Variants in MEI4 observed in about 807,000 individuals in gnomAD.
MEI4 encodes the protein meiotic double-stranded break formation protein 4.
MEI4 carries 27 observed loss-of-function variants against 31.4 expected under a neutral mutation model. The observed-to-expected ratio is 0.86, with a 90% CI of 0.63 to 1.19. The LOEUF (loss-of-function observed/expected upper bound fraction) is 1.19, where lower values mean the gene tolerates loss of function less well. Among genes scored for constraint, MEI4 ranks in the 50% most tolerant of loss-of-function variants. MEI4 has a pLI of 0.00. For synonymous variants in MEI4, 122 were observed against 145.4 expected (o/e 0.84, Z 1.16); for missense variants, 329 against 398.9 (o/e 0.82, Z 1.49).
At chr6:77,732,627 C>A (rs1309438693) in intron 2 of MEI4, among the ~76,000 whole-genome samples, 1 of 141,308 alleles carries the variant, frequency 7.1e-6, no homozygotes, top group Non-Finnish European at 1.6e-5. Flanking sequence ...ATTTCCTTCT[C>A]CTGCCTAATT....
chr6:77,708,132 G>A (rs1206939304), intron 2 of MEI4, among the ~76,000 whole-genome samples: 7 of 152,188 alleles, frequency 4.6e-5, no homozygotes, highest in Non-Finnish European at 8.8e-5. Flanking sequence ...CATTGGCAAC[G>A]TGCACCCTGA....
chr6:77,692,398 T>C (rs1407641566), intron 2 of MEI4, among the ~76,000 whole-genome samples: 1 of 152,052 alleles, frequency 6.6e-6, no homozygotes, highest in African/African-American at 2.4e-5. Flanking sequence ...GTCTCTTTAC[T>C]TGTTGCCCAG....
intron 2 of MEI4, among the ~76,000 whole-genome samples, chr6:77,692,750 G>T (rs886183874): frequency 3.3e-5 from 5 of 151,994 alleles, no homozygotes; most frequent in African/African-American, 1.2e-4. Flanking sequence ...AATTCAGATG[G>T]TGAACACAGA....
intron 4 of MEI4, among the ~76,000 whole-genome samples, chr6:77,910,170 G>C (rs548235845): frequency 0.056 from 8,489 of 152,088 alleles, 324 homozygotes; most frequent in Middle Eastern, 0.13. Flanking sequence ...CCCTCTCTCA[G>C]CACTCCTATT....
At chr6:77,695,763 A>T (rs1320063569) in intron 2 of MEI4, among the ~76,000 whole-genome samples, 1 of 152,126 alleles carries the variant, frequency 6.6e-6, no homozygotes, top group Non-Finnish European at 1.5e-5. Context: ...TTTTGGTTCC[A>T]TATGAACTTG....
intron 3 of MEI4, among the ~76,000 whole-genome samples, chr6:77,780,177 T>G (rs2127690335): frequency 6.6e-6 from 1 of 152,280 alleles, no homozygotes; most frequent in South Asian, 2.1e-4. Context: ...GAGGTTTGCA[T>G]AGCTTCAGTA....
chr6:77,737,463 C>G (rs1440831816), intron 2 of MEI4, among the ~76,000 whole-genome samples: 1 of 151,826 alleles, frequency 6.6e-6, no homozygotes, highest in Admixed American at 6.6e-5. Context: ...ATCAGGGAGT[C>G]CAGGACACTT....
At chr6:77,775,380 T>TA (rs1356531570) in intron 3 of MEI4, among the ~76,000 whole-genome samples, 4 of 152,138 alleles carry the variant, frequency 2.6e-5, no homozygotes, top group Admixed American at 2.6e-4. Flanking sequence ...GTATCATTCT[T>TA]ACGCCTTTGC....
Position 77,887,317 on chromosome 6 carries a change from G to A in MEI4, c.901-35772G>A, listed in dbSNP as rs554645930. Among the ~76,000 whole-genome samples, 100 of 150,966 alleles carry A rather than the reference G, an allele frequency of 6.6e-4. 1 individual carries two copies. The highest frequency in any genetic ancestry group is 1.3e-3 in the Non-Finnish European group (85 of 67,922). On this transcript the variant is annotated intron_variant, in intron 4 of 4. Coordinates refer to ENST00000684080, the MANE Select transcript of MEI4 (RefSeq NM_001322247.2). ...CTTTTTTATTCTTTTTTGAGATGGA[G>A]TCTCACTTTTGTCGCCCAGGTTGGA...
intron 3 of MEI4, among the ~76,000 whole-genome samples, chr6:77,800,531 G>C (rs1337502770): frequency 6.6e-6 from 1 of 152,216 alleles, no homozygotes; most frequent in Non-Finnish European, 1.5e-5. Context: ...ACACTGTGTT[G>C]AATAGGAGTG....
At chr6:77,893,069 A>C (rs536666531) in intron 4 of MEI4, among the ~76,000 whole-genome samples, 2 of 152,220 alleles carry the variant, frequency 1.3e-5, no homozygotes, top group East Asian at 3.9e-4. Context: ...AATCCTGGCC[A>C]GGCTGTCTTC....
intron 3 of MEI4, among the ~76,000 whole-genome samples, chr6:77,800,792 G>A (rs887619674): frequency 2.6e-5 from 4 of 152,058 alleles, no homozygotes; most frequent in Non-Finnish European, 5.9e-5. Flanking sequence ...GCTGAATTAA[G>A]TTTATTGATT....
intron 4 of MEI4, among the ~76,000 whole-genome samples, chr6:77,891,966 G>A (rs1270910539): frequency 1.3e-5 from 2 of 152,178 alleles, no homozygotes; most frequent in East Asian, 3.9e-4. Flanking sequence ...ACTTTGCTGG[G>A]GACAGGAGCA....
intron 3 of MEI4, among the ~76,000 whole-genome samples, chr6:77,813,873 A>G (rs1405472251): frequency 4.6e-5 from 7 of 151,926 alleles, no homozygotes; most frequent in African/African-American, 1.7e-4. Context: ...ATGTCATTGG[A>G]CCTATCTGTA....
chr6:77,801,803 C>A (rs1183095320), intron 3 of MEI4, among the ~76,000 whole-genome samples: 1 of 152,122 alleles, frequency 6.6e-6, no homozygotes, highest in African/African-American at 2.4e-5. Context: ...GTTTCTGAAT[C>A]CTGAGTTGTA....
chr6:77,751,015 CT>C (rs750002220), intron 2 of MEI4, among the ~76,000 whole-genome samples: 17 of 152,300 alleles, frequency 1.1e-4, no homozygotes, highest in Non-Finnish European at 2.1e-4. Flanking sequence ...TCCTGAATGA[CT>C]ACTGGGTAAA....
At chr6:77,715,152 C>G (rs887868624) in intron 2 of MEI4, among the ~76,000 whole-genome samples, 2 of 152,024 alleles carry the variant, frequency 1.3e-5, no homozygotes, top group African/African-American at 4.8e-5. Context: ...TTGGTTTATT[C>G]TCTTCTGGAA....
At chr6:77,735,735 C>T (rs920644455) in intron 2 of MEI4, among the ~76,000 whole-genome samples, 2 of 152,044 alleles carry the variant, frequency 1.3e-5, no homozygotes, top group African/African-American at 4.8e-5. Flanking sequence ...TTCAGTTTTT[C>T]TGCTTTGTTT....
At chr6:77,809,323 T>A (rs1026251360) in intron 3 of MEI4, among the ~76,000 whole-genome samples, 1 of 152,212 alleles carries the variant, frequency 6.6e-6, no homozygotes, top group Non-Finnish European at 1.5e-5. Context: ...TTGTGACCTT[T>A]ACAAAAATAG....
Sources: allele counts gnomAD v4.1 joint callset (sites outside exome capture counted in the v4.1 genomes callset), GRCh38; gene constraint gnomAD v4.1.1; transcripts MANE v1.5; gene names NCBI Gene and HGNC (gene_info 2026-07-23, HGNC 2026-07-21).